The following SMARCAL1 variants were observed in gnomAD, a reference collection of about 807,000 sequenced individuals.
SMARCAL1 encodes ATP-driven annealing helicase.
SMARCAL1 carries 58 observed loss-of-function variants against 94.5 expected under a neutral mutation model. The ratio of observed to expected loss-of-function variants is 0.61; its 90% confidence interval spans 0.50 to 0.76. The LOEUF is 0.76. Ranked by LOEUF, SMARCAL1 falls within the 30% of genes least tolerant of loss-of-function variation. The pLI, the probability that SMARCAL1 is intolerant of heterozygous loss-of-function variation, is 0.00. For missense variants in SMARCAL1, 1,051 were observed against 1,177.9 expected, an observed-to-expected ratio of 0.89 and a Z score of 1.58; for synonymous variants, 422 against 455.1, an observed-to-expected ratio of 0.93 and a Z score of 0.93.
intron 4 of SMARCAL1, among the ~76,000 whole-genome samples, chr2:216,418,259 T>C (rs984456750): frequency 6.6e-6 from 1 of 152,212 alleles, no homozygotes; most frequent in Non-Finnish European, 1.5e-5. Context: ...TTGAAAACCA[T>C]GTTTATTGGA....
At position 216,447,057 on chromosome 2, in the gene SMARCAL1, A is replaced by G. The variant is rs1694331950; in HGVS notation, c.1750A>G (p.Met584Val). The change falls in exon 11 of 18, where the codon ATG becomes GTG. Residue 584 changes from methionine (M) to valine (V), a missense_variant. Met to Val is a conservative substitution (Grantham distance 21, BLOSUM62 1). This residue lies in a region of SMARCAL1 where 642 missense variants were observed against 754.7 expected (regional missense o/e 0.85). Transcript: ENST00000357276. ...RVILLSGTPA[M>V]SRPAELYTQI... is the part of the protein sequence containing the mutation. ...GATCCTGTTGTCGGGCACACCAGCC[A>G]TGTCCCGGCCCGCAGAGCTCTACAC... is the stretch of plus-strand genomic sequence containing the variant. 2.5e-6 allele frequency: 4 copies of G among 1,602,258 alleles called. No homozygotes were observed. Among genetic ancestry groups the G allele is most frequent in the African/African-American group, 2.8e-5 (2 of 71,076 alleles).
chr2:216,420,047 A>G (rs1425212583), intron 4 of SMARCAL1, among the ~76,000 whole-genome samples: 1 of 147,246 alleles, frequency 6.8e-6, no homozygotes, highest in African/African-American at 2.5e-5. Flanking sequence ...AAAAAAAAAA[A>G]GAAAAAAAAA....
At chr2:216,449,331 G>C (rs901482087) in intron 11 of SMARCAL1, among the ~76,000 whole-genome samples, 1 of 151,938 alleles carries the variant, frequency 6.6e-6, no homozygotes. Context: ...ATATCCACTT[G>C]TTCTCAGCAT....
chr2:216,479,432 C>CAAA (rs532759698), intron 17 of SMARCAL1, among the ~76,000 whole-genome samples: 1 of 120,558 alleles, frequency 8.3e-6, no homozygotes, highest in Non-Finnish European at 1.8e-5. Context: ...GAGCCTGCCT[C>CAAA]AAAAAAAAAA....
chr2:216,469,107 C>G (rs77233102), intron 14 of SMARCAL1, among the ~76,000 whole-genome samples: 5 of 151,984 alleles, frequency 3.3e-5, no homozygotes, highest in Non-Finnish European at 7.4e-5. Flanking sequence ...ATCACTATTA[C>G]GAAGGCAATG....
chr2:216,477,252 G>T (rs763182078), intron 16 of SMARCAL1, 43 bp downstream of exon 16: 4 of 1,340,674 alleles, frequency 3.0e-6, no homozygotes, highest in Non-Finnish European at 4.2e-6. Flanking sequence ...GTCGAGCAAG[G>T]GTGGAAACTG....
Position 216,435,852 on chromosome 2 carries a change from G to T in SMARCAL1, c.1644+356G>T, listed in dbSNP as rs544696721. Among the ~76,000 whole-genome samples, 19 of 152,270 alleles carry T rather than the reference G, an allele frequency of 1.2e-4. 1 individual carries two copies. The highest frequency in any genetic ancestry group is 1.2e-3 in the South Asian group (6 of 4,830). Reference sequence around the variant, plus strand: ...GTACTACAACCTGGACGGCAAGGGGGTGTGCCTACATCTGGTGCCATCTTA... The same window carrying T: ...GTACTACAACCTGGACGGCAAGGGGTTGTGCCTACATCTGGTGCCATCTTA... On this transcript the variant is annotated intron_variant, in intron 9 of 17. Coordinates refer to ENST00000357276, the MANE Select transcript of SMARCAL1 (RefSeq NM_014140.4).
chr2:216,443,101 G>A (rs939452285), intron 10 of SMARCAL1, among the ~76,000 whole-genome samples: 2 of 152,176 alleles, frequency 1.3e-5, no homozygotes, highest in African/African-American at 2.4e-5. Context: ...ACCTTAGGCC[G>A]GGCGCAGTGG....
At chr2:216,459,963 T>A (rs1694659109) in intron 12 of SMARCAL1, among the ~76,000 whole-genome samples, 2 of 152,130 alleles carry the variant, frequency 1.3e-5, no homozygotes, top group South Asian at 4.1e-4. Context: ...ATCCAGAATC[T>A]ACAAAGAACT....
At chr2:216,423,740 A>G in intron 6 of SMARCAL1, 57 bp downstream of exon 6, 1 of 1,441,860 alleles carries the variant, frequency 6.9e-7, no homozygotes, top group East Asian at 2.3e-5. Context: ...TTAATAATTC[A>G]CCTTAAATTT....
chr2:216,417,744 C>G (rs1298034440), intron 4 of SMARCAL1, among the ~76,000 whole-genome samples: 1 of 152,032 alleles, frequency 6.6e-6, no homozygotes, highest in Non-Finnish European at 1.5e-5. Flanking sequence ...ACGGGGAGAC[C>G]CAAGGCTCTG....
chr2:216,480,355 T>C (rs1204359581), intron 17 of SMARCAL1, among the ~76,000 whole-genome samples: 1 of 152,184 alleles, frequency 6.6e-6, no homozygotes, highest in Non-Finnish European at 1.5e-5. Context: ...GGAAATGAAA[T>C]ATTAATCTGA....
intron 13 of SMARCAL1, among the ~76,000 whole-genome samples, chr2:216,466,893 T>C (rs932066572): frequency 6.6e-6 from 1 of 152,208 alleles, no homozygotes; most frequent in African/African-American, 2.4e-5. Flanking sequence ...TTGAAATGAC[T>C]CTTGGATGTT....
rs553210610 is a variant in SMARCAL1, at chr2:216,455,387, C to T, written c.2070+4323C>T. On this transcript the variant is annotated intron_variant, in intron 12 of 17. Transcript: ENST00000357276. ...CAGCATGGAGTTTGAGATCTGAGAA[C>T]GGATAGACTGCCTCCTCAAGTGGGT... Among the ~76,000 whole-genome samples, 25 of 152,308 alleles carry T rather than the reference C, an allele frequency of 1.6e-4. 1 individual carries two copies. Among genetic ancestry groups the T allele is most frequent in the African/African-American group, 5.8e-4 (24 of 41,580 alleles).
At chr2:216,481,473 G>A (rs1201484393) in intron 17 of SMARCAL1, among the ~76,000 whole-genome samples, 1 of 150,846 alleles carries the variant, frequency 6.6e-6, no homozygotes, top group Admixed American at 6.6e-5. Context: ...TGGGATTACA[G>A]GCGTGAGCCC....
intron 5 of SMARCAL1, among the ~76,000 whole-genome samples, chr2:216,422,225 C>G (rs145301193): frequency 6.6e-6 from 1 of 152,240 alleles, no homozygotes; most frequent in South Asian, 2.1e-4. Flanking sequence ...ACTAAAAATA[C>G]AAAAACTAGC....
chr2:216,478,210 A>G lies in SMARCAL1; in HGVS notation c.2536A>G (p.Ile846Val). The G allele has an allele frequency of 6.2e-7, 1 of 1,614,124 alleles. No homozygotes were observed. The highest frequency in any genetic ancestry group is 8.5e-7 in the Non-Finnish European group (1 of 1,179,966). ...CTCATTTCTCCCCAACAGGCCCCTGATTCAAGAGAAGATTAAAGTTCTGGC... is the reference window on the plus strand; with the variant it reads ...CTCATTTCTCCCCAACAGGCCCCTGGTTCAAGAGAAGATTAAAGTTCTGGC... Reference protein sequence around the residue: ...GTADDYLWPLIQEKIKVLAEA... With the variant: ...GTADDYLWPLVQEKIKVLAEA... The change falls in exon 17 of 18, where the codon ATT (isoleucine) becomes GTT (valine). Residue 846 changes from isoleucine (I) to valine (V), a missense_variant. Coordinates refer to ENST00000357276, the MANE Select transcript of SMARCAL1 (RefSeq NM_014140.4).
In SMARCAL1 at chr2:216,451,063, CTG is replaced by C. The variant is rs1254572009; in HGVS notation, c.2070+2_2070+3del. The stretch of plus-strand genomic sequence containing the variant: ...AAGGAAATGACCACCAAGGACAAAA[CTG>C]TGAGTCCAGGGCTGGAGACAGATTT... On this transcript the variant is annotated splice_donor_variant and coding_sequence_variant, in exon 12 of 18. Transcript: ENST00000357276. LOFTEE classifies it high-confidence loss of function. The C allele has an allele frequency of 1.2e-6, 2 of 1,613,192 alleles. No individual in the cohort carries two copies. The highest frequency in any genetic ancestry group is 1.7e-5 in the Admixed American group (1 of 60,010).
At chr2:216,466,733 C>T (rs898279716) in intron 13 of SMARCAL1, among the ~76,000 whole-genome samples, 1 of 152,118 alleles carries the variant, frequency 6.6e-6, no homozygotes, top group Non-Finnish European at 1.5e-5. Context: ...ATTTTGTGGC[C>T]TTGTGACTTT....
Sources: allele counts gnomAD v4.1 joint callset (sites outside exome capture counted in the v4.1 genomes callset), GRCh38; gene constraint gnomAD v4.1.1; regional missense constraint gnomAD v4.1.1; transcripts MANE v1.5; gene names NCBI Gene and HGNC (gene_info 2026-07-23, HGNC 2026-07-21).